The following IDE variants were observed in gnomAD, a reference collection of about 807,000 sequenced individuals.
IDE encodes insulin degrading enzyme.
IDE carries 58 observed loss-of-function variants against 133.2 expected under a neutral mutation model. The ratio of observed to expected loss-of-function variants is 0.44; its 90% CI spans 0.35 to 0.54. The LOEUF is 0.54. IDE is among the 20% of genes least tolerant of loss of function. IDE has a pLI of 0.00. For missense variants in IDE, 981 were observed against 1,234.0 expected (o/e 0.79, Z 3.07); for synonymous variants, 396 against 421.3 (o/e 0.94, Z 0.73).
chr10:92,483,951 T>A (rs371181429), intron 13 of IDE, among the ~76,000 whole-genome samples: 1 of 152,244 alleles, frequency 6.6e-6, no homozygotes, highest in East Asian at 1.9e-4. Context: ...GGTGAAAAAT[T>A]AAGGCTGGCC....
chr10:92,531,994 T>C (rs1849951624), intron 3 of IDE, 77 bp from the exon 4 acceptor site: 1 of 1,030,632 alleles, frequency 9.7e-7, no homozygotes, highest in Admixed American at 3.4e-5. Flanking sequence ...TTTTTGGAAC[T>C]TATTAGATAG....
intron 1 of IDE, among the ~76,000 whole-genome samples, chr10:92,549,641 C>G (rs1842691282): frequency 6.6e-6 from 1 of 151,746 alleles, no homozygotes. Flanking sequence ...TATGTCAGAA[C>G]AGATGCTTAC....
In IDE at chr10:92,504,871, T is replaced by C. The variant is rs1163392535; in HGVS notation, c.1353A>G (p.Thr451=). Residue 451 remains threonine (T), a synonymous_variant, in exon 11 of 25, where the codon ACA becomes ACG. Transcript: ENST00000265986. ...TAAATTCTTCCAGTAAATATTCCGC[T>C]GTGAGCACCTCTTCTAGGGGATAAT... ...LHYYPLEEVL[T]AEYLLEEFRP... 3 of 1,564,002 alleles carry C rather than the reference T, an allele frequency of 1.9e-6. No homozygotes were observed. Among genetic ancestry groups the C allele is most frequent in the East Asian group, 2.3e-5 (1 of 44,074 alleles).
At chr10:92,497,299 C>A (rs1232115143) in intron 11 of IDE, among the ~76,000 whole-genome samples, 1 of 152,126 alleles carries the variant, frequency 6.6e-6, no homozygotes. Flanking sequence ...AATCAAGTCT[C>A]AAAATTCAAA....
At chr10:92,455,771 A>T in intron 23 of IDE, 128 bp from the exon 24 acceptor site, 2 of 610,638 alleles carry the variant, frequency 3.3e-6, no homozygotes, top group African/African-American at 3.7e-5. Flanking sequence ...TACTTCTCAG[A>T]TCCTCTAAAG....
intron 4 of IDE, among the ~76,000 whole-genome samples, chr10:92,524,554 ATTT>A (rs1849522451): frequency 1.9e-5 from 2 of 105,806 alleles, no homozygotes; most frequent in Admixed American, 1.6e-4. Flanking sequence ...TTATATATAT[ATTT>A]TATATATAAT....
Position 92,574,036 on chromosome 10 carries a change from C to T in IDE, c.-17G>A. 1 of 1,504,860 alleles carries T rather than the reference C, an allele frequency of 6.6e-7. No individual in the cohort carries two copies. The highest frequency in any genetic ancestry group is 1.2e-5 in the South Asian group (1 of 80,006). 93.2% of individuals were successfully genotyped at this position (1,504,860 alleles called of 1,614,324 possible). ...GTACCGCATTAGCCAGCGCAGTCGC[C>T]GGGATCACCGCAAACGCTTCCTGCT... On this transcript the variant is annotated 5_prime_UTR_variant, in exon 1 of 25. Transcript: ENST00000265986.
At chr10:92,534,808 A>G in intron 2 of IDE, 23 bp from the exon 3 acceptor site, 2 of 1,568,282 alleles carry the variant, frequency 1.3e-6, no homozygotes, top group Non-Finnish European at 1.8e-6. Flanking sequence ...ACACGTATAT[A>G]ATAAATCATT....
intron 4 of IDE, among the ~76,000 whole-genome samples, chr10:92,521,835 T>C (rs1849242080): frequency 6.6e-6 from 1 of 152,144 alleles, no homozygotes; most frequent in African/African-American, 2.4e-5. Context: ...TATTTGATAA[T>C]AATGGTAACA....
intron 1 of IDE, among the ~76,000 whole-genome samples, chr10:92,550,506 C>G (rs1342612207): frequency 6.6e-6 from 1 of 150,794 alleles, no homozygotes; most frequent in African/African-American, 2.4e-5. Flanking sequence ...AAAAAATTAG[C>G]CGGGTGTGGT....
intron 1 of IDE, among the ~76,000 whole-genome samples, chr10:92,549,044 G>C (rs1382418127): frequency 6.6e-6 from 1 of 152,032 alleles, no homozygotes; most frequent in Non-Finnish European, 1.5e-5. Context: ...GATCACATGA[G>C]GTCAGGAGTT....
chr10:92,462,045 GT>G (rs1306201606), intron 21 of IDE, among the ~76,000 whole-genome samples: 2 of 152,114 alleles, frequency 1.3e-5, no homozygotes, highest in African/African-American at 2.4e-5. Flanking sequence ...GCTGGGCACA[GT>G]GGCTCATGCC....
chr10:92,550,452 C>T (rs910488622), intron 1 of IDE, among the ~76,000 whole-genome samples: 2 of 152,114 alleles, frequency 1.3e-5, no homozygotes, highest in South Asian at 2.1e-4. Flanking sequence ...TGAAGTACCA[C>T]TTCATACCAA....
intron 11 of IDE, among the ~76,000 whole-genome samples, chr10:92,495,002 A>G (rs1458973519): frequency 6.6e-6 from 1 of 152,200 alleles, no homozygotes; most frequent in East Asian, 1.9e-4. Flanking sequence ...TGCCAAAATC[A>G]CAGATCTAAG....
At chr10:92,499,651 C>T (rs567306026) in intron 11 of IDE, among the ~76,000 whole-genome samples, 1 of 152,210 alleles carries the variant, frequency 6.6e-6, no homozygotes, top group South Asian at 2.1e-4. Context: ...AGGCTGGTCT[C>T]GAACTCCTGA....
At position 92,453,880 on chromosome 10, in the gene IDE, A is replaced by G. The variant is rs574810511; in HGVS notation, c.*564T>C. 6.6e-5 allele frequency: 10 copies of G among 152,340 alleles called. No homozygotes were observed. Among genetic ancestry groups the G allele is most frequent in the African/African-American group, 2.2e-4 (9 of 41,582 alleles). 9.4% of individuals were successfully genotyped at this position (152,340 alleles called of 1,614,324 possible). Reference sequence around the variant, plus strand: ...GAGTTGGCATAAAAAACATGTTCAAATTTTATAAAAAGATTAAAACCATGC... The same window carrying G: ...GAGTTGGCATAAAAAACATGTTCAAGTTTTATAAAAAGATTAAAACCATGC... On this transcript the variant is annotated 3_prime_UTR_variant, in exon 25 of 25. Coordinates refer to ENST00000265986, the MANE Select transcript of IDE (RefSeq NM_004969.4).
intron 17 of IDE, among the ~76,000 whole-genome samples, chr10:92,473,760 C>G (rs1231704581): frequency 6.6e-6 from 1 of 152,116 alleles, no homozygotes; most frequent in African/African-American, 2.4e-5. Context: ...GCAGGCGGAT[C>G]ACCGGAGGTC....
intron 1 of IDE, among the ~76,000 whole-genome samples, chr10:92,552,696 T>C (rs1311650030): frequency 6.6e-5 from 10 of 151,044 alleles, no homozygotes; most frequent in Non-Finnish European, 1.5e-4. Flanking sequence ...CCATCTCTAC[T>C]AAAAATACAA....
intron 11 of IDE, among the ~76,000 whole-genome samples, chr10:92,497,257 G>A (rs910641579): frequency 6.6e-5 from 10 of 152,206 alleles, no homozygotes; most frequent in Non-Finnish European, 1.0e-4. Context: ...AATGATCATT[G>A]AGTAATAATA....
Sources: allele counts gnomAD v4.1 joint callset (sites outside exome capture counted in the v4.1 genomes callset), GRCh38; gene constraint gnomAD v4.1.1; transcripts MANE v1.5; gene names NCBI Gene and HGNC (gene_info 2026-07-23, HGNC 2026-07-21).